Variants in MELTF observed in about 807,000 individuals in gnomAD.
MELTF encodes the protein melanotransferrin, also known as antigen p97 (melanoma associated) identified by monoclonal antibodies 133.2 and 96.5.
Under a neutral mutation model 83.7 loss-of-function variants are expected in MELTF, and 67 were observed. That is an observed-to-expected ratio of 0.80 (90% CI 0.66 to 0.98). The LOEUF (loss-of-function observed/expected upper bound fraction) is 0.98, where lower values mean the gene tolerates loss of function less well. Ranked by LOEUF, MELTF falls within the 50% of genes least tolerant of loss-of-function variation. MELTF has a pLI of 0.00. For synonymous variants in MELTF, 462 were observed against 447.6 expected (o/e 1.03, Z -0.41); for missense variants, 1,002 against 1,035.6 (o/e 0.97, Z 0.44).
intron 3 of MELTF, chr3:197,026,426 A>C (rs1719856826): frequency 3.7e-6 from 2 of 544,352 alleles, no homozygotes; most frequent in Non-Finnish European, 6.7e-6. Flanking sequence ...GGCACAGGCT[A>C]GGGGGCTGCT....
chr3:197,016,169 G>C lies in MELTF; in HGVS notation c.1081+20C>G. On this transcript the variant is annotated intron_variant, in intron 8 of 15. Coordinates refer to ENST00000296350, the MANE Select transcript of MELTF (RefSeq NM_005929.6). Reference sequence around the variant, plus strand: ...TTGAGCTGGGCTGGAGCTGGCAGCAGTGGGGACAGGTGGACTTACGGTTGG... The same window carrying C: ...TTGAGCTGGGCTGGAGCTGGCAGCACTGGGGACAGGTGGACTTACGGTTGG... The C allele has an allele frequency of 6.7e-7, 1 of 1,491,788 alleles. No individual in the cohort carries two copies. Among genetic ancestry groups the C allele is most frequent in the Non-Finnish European group, 9.0e-7 (1 of 1,116,328 alleles). The allele number at this position is 1,491,788 out of a possible 1,614,324, so 92.4% of individuals were successfully genotyped here.
intron 4 of MELTF, chr3:197,023,745 A>G: frequency 2.3e-6 from 1 of 441,830 alleles, no homozygotes; most frequent in South Asian, 1.6e-5. Context: ...GTGACCTCCC[A>G]GAGGAGTAGA....
intron 9 of MELTF, 74 bp downstream of exon 9, chr3:197,015,291 G>A (rs2148583882): frequency 1.4e-6 from 2 of 1,449,344 alleles, no homozygotes; most frequent in African/African-American, 2.8e-5. Flanking sequence ...AGCAGGGGGT[G>A]TGGGTAGTAA....
intron 6 of MELTF, among the ~76,000 whole-genome samples, chr3:197,018,113 C>T (rs1194427540): frequency 6.6e-6 from 1 of 152,112 alleles, no homozygotes. Flanking sequence ...CTTTCAAGTC[C>T]TTTTTTCTAT....
Position 197,006,347 on chromosome 3 carries a change from G to C in MELTF, c.1938+202C>G, listed in dbSNP as rs1161689861. The stretch of plus-strand genomic sequence containing the variant: ...TGTTTCATGTTGGTGAAAATGGTCC[G>C]ACTGAGAAGGGAAAATCAACGATGC... On this transcript the variant is annotated intron_variant, in intron 14 of 15. Coordinates refer to ENST00000296350, the MANE Select transcript of MELTF (RefSeq NM_005929.6). The surrounding 1 kb of genome is among the most constrained non-coding windows in gnomAD (Gnocchi z 5.4). 6.6e-6 allele frequency among the ~76,000 whole-genome samples: 1 copy of C among 152,210 alleles called. No homozygotes were observed. Among genetic ancestry groups the C allele is most frequent in the Non-Finnish European group, 1.5e-5 (1 of 68,034 alleles).
chr3:197,009,662 A>G lies in MELTF; in HGVS notation c.1481T>C (p.Ile494Thr), dbSNP rs556457546. 3.5e-5 allele frequency: 57 copies of G among 1,613,814 alleles called. No individual in the cohort carries two copies. The Admixed American group carries it at 5.2e-4, about 15-fold the overall frequency. Reference protein sequence around the residue: ...AGWDVPVGALIQRGFIRPKDC... With the variant: ...AGWDVPVGALTQRGFIRPKDC... Reference sequence around the variant, plus strand: ...CTTGGGCCGGATGAAGCCTCTCTGAATAAGGGCACCCACGGGGACATCCCA... The same window carrying G: ...CTTGGGCCGGATGAAGCCTCTCTGAGTAAGGGCACCCACGGGGACATCCCA... Residue 494 changes from isoleucine to threonine, a missense_variant, in exon 11 of 16, where the codon ATT (isoleucine) becomes ACT (threonine). Physicochemically the swap from Ile to Thr is moderately conservative, Grantham distance 89. Transcript: ENST00000296350.
chr3:197,010,932 G>A (rs1303354263), intron 9 of MELTF, 138 bp from the exon 10 acceptor site: 6 of 716,850 alleles, frequency 8.4e-6, no homozygotes, highest in Non-Finnish European at 1.4e-5. Flanking sequence ...ATGTGGGTGG[G>A]GAGTACCCCA....
rs1719997618 is a variant in MELTF, at chr3:197,029,449, CTCCAAGAAGCCT to C, written c.49+193_49+204del. Among the ~76,000 whole-genome samples, 1 of 152,190 alleles carries C rather than the reference CTCCAAGAAGCCT, an allele frequency of 6.6e-6. No individual in the cohort carries two copies. Among genetic ancestry groups the C allele is most frequent in the Non-Finnish European group, 1.5e-5 (1 of 68,008 alleles). On this transcript the variant is annotated intron_variant, in intron 1 of 15. Coordinates refer to ENST00000296350, the MANE Select transcript of MELTF (RefSeq NM_005929.6). This position sits in a 1 kb window ranked among gnomAD's most constrained non-coding sequence, Gnocchi z 6.5. ...AGCCTCGGGTGTTCGAGGCCGCCTC[CTCCAAGAAGCCT>C]TCCAGACTTCCCCGTCTGCGCTTCA...
chr3:197,019,373 C>T, intron 6 of MELTF: 2 of 1,243,506 alleles, frequency 1.6e-6, no homozygotes, highest in Non-Finnish European at 1.0e-6. Flanking sequence ...CCACTTCTAC[C>T]CCTTGGCTCT....
Position 197,017,299 on chromosome 3 carries a change from C to G in MELTF, c.713-9G>C. The G allele has an allele frequency of 6.5e-7, 1 of 1,526,892 alleles. No individual in the cohort carries two copies. Among genetic ancestry groups the G allele is most frequent in the Non-Finnish European group, 8.8e-7 (1 of 1,133,794 alleles). The allele number at this position is 1,526,892 out of a possible 1,614,324, so 94.6% of individuals were successfully genotyped here. On this transcript the variant is annotated splice_polypyrimidine_tract_variant and intron_variant, in intron 6 of 15. Transcript: ENST00000296350. ...GGAGGGAAGCGTCTTCCCTGGGAAG[C>G]AGGAAGCCTGGGCTGAGCCAGCTCC... is the stretch of plus-strand genomic sequence containing the variant.
chr3:197,028,041 TCCC>T, intron 1 of MELTF, 131 bp from the exon 2 acceptor site: 13 of 1,066,524 alleles, frequency 1.2e-5, no homozygotes, highest in Non-Finnish European at 1.6e-5. Flanking sequence ...AGCCCTGCCC[TCCC>T]ACAGGGAGGC....
Position 197,023,036 on chromosome 3 carries a change from A to G in MELTF, c.565T>C (p.Cys189Arg), listed in dbSNP as rs1272218052. The G allele has an allele frequency of 3.1e-6, 5 of 1,613,856 alleles. No homozygotes were observed. Among genetic ancestry groups the G allele is most frequent in the Non-Finnish European group, 3.4e-6 (4 of 1,180,014 alleles). Residue 189 changes from cysteine (C) to arginine (R), a missense_variant, in exon 5 of 16, where the codon TGC (cysteine) becomes CGC (arginine). Transcript: ENST00000296350. The stretch of plus-strand genomic sequence containing the variant: ...CCTTCCCCAGAGCTGTCACCCCTGC[A>G]GAGGCGACAGAGGGACTCAGAGTAA... ...TSYSESLCRL[C>R]RGDSSGEGVC...
intron 11 of MELTF, 57 bp from the exon 12 acceptor site, chr3:197,009,022 G>C: frequency 6.2e-7 from 1 of 1,600,860 alleles, no homozygotes; most frequent in Non-Finnish European, 8.5e-7. Context: ...GTGGGAGGGA[G>C]CTGGGCGGGC....
intron 9 of MELTF, among the ~76,000 whole-genome samples, chr3:197,014,443 A>C (rs1421123751): frequency 7.3e-6 from 1 of 136,106 alleles, no homozygotes; most frequent in African/African-American, 2.9e-5. Context: ...GCTGGAGTGC[A>C]ATGGTGTGAT....
chr3:197,009,994 G>A lies in MELTF; in HGVS notation c.1331-182C>T, dbSNP rs550266497. Reference sequence around the variant, plus strand: ...AGGCCCAGCGGGGGCCCCTGCCTGCGTCCCCTGTGAGAAGCAGCCTCTTGC... The same window carrying A: ...AGGCCCAGCGGGGGCCCCTGCCTGCATCCCCTGTGAGAAGCAGCCTCTTGC... On this transcript the variant is annotated intron_variant, in intron 10 of 15. Coordinates refer to ENST00000296350, the MANE Select transcript of MELTF (RefSeq NM_005929.6). 3.2e-4 allele frequency among the ~76,000 whole-genome samples: 48 copies of A among 152,324 alleles called. 1 individual carries two copies. The highest frequency in any genetic ancestry group is 9.6e-4 in the African/African-American group (40 of 41,576).
intron 9 of MELTF, among the ~76,000 whole-genome samples, chr3:197,013,199 C>A (rs1036217635): frequency 2.6e-5 from 4 of 152,124 alleles, no homozygotes; most frequent in Non-Finnish European, 5.9e-5. Context: ...AATAGAGAAC[C>A]CAGAAATTAA....
intron 2 of MELTF, 130 bp downstream of exon 2, chr3:197,027,626 G>T: frequency 8.2e-7 from 1 of 1,221,714 alleles, no homozygotes; most frequent in South Asian, 1.6e-5. Flanking sequence ...TGGCCAGGGA[G>T]ACTCGGGAGA....
chr3:197,015,428 C>T lies in MELTF; in HGVS notation c.1170G>A (p.Arg390=). The T allele has an allele frequency of 1.3e-6, 2 of 1,597,568 alleles. No individual in the cohort carries two copies. The highest frequency in any genetic ancestry group is 8.5e-7 in the Non-Finnish European group (1 of 1,172,806). The change falls in exon 9 of 16, where the codon CGG becomes CGA. Residue 390 remains arginine, a synonymous_variant. Coordinates refer to ENST00000296350, the MANE Select transcript of MELTF (RefSeq NM_005929.6). The part of the protein sequence containing the change: ...GDMAVAFRRQ[R]LKPEIQCVSA... ...ACACGCACTGGATCTCTGGCTTGAG[C>T]CGCTGCCGGCGGAAGGCCACGGCCA...
At position 197,003,851 on chromosome 3, in the gene MELTF, G is replaced by A. The variant is rs764776254; in HGVS notation, c.2137+50C>T. Reference sequence around the variant, plus strand: ...CCCCGCTCCCTCAGGGTTCTGGGGTGAAGGGGTCTGAATAGCACCAGGGGA... The same window carrying A: ...CCCCGCTCCCTCAGGGTTCTGGGGTAAAGGGGTCTGAATAGCACCAGGGGA... On this transcript the variant is annotated intron_variant, in intron 15 of 15. Transcript: ENST00000296350. The surrounding 1 kb of genome is among the most constrained non-coding windows in gnomAD (Gnocchi z 6.2). 1.9e-6 allele frequency: 3 copies of A among 1,581,324 alleles called. No individual in the cohort carries two copies. The highest frequency in any genetic ancestry group is 2.6e-6 in the Non-Finnish European group (3 of 1,158,710).
Sources: gnomAD v4.1 joint callset for allele counts (sites outside exome capture counted in the v4.1 genomes callset) on GRCh38, gnomAD v4.1.1 for gene constraint, Gnocchi (gnomAD v3.1) non-coding constraint, MANE v1.5 for transcripts, NCBI Gene and HGNC (gene_info 2026-07-23, HGNC 2026-07-21) for gene names.